The following SLC12A8 variants were observed in gnomAD, a reference collection of about 807,000 sequenced individuals.
The protein encoded by SLC12A8 is solute carrier family 12 member 8.
Under a neutral mutation model 75.6 loss-of-function variants are expected in SLC12A8, and 69 were observed. The ratio of observed to expected loss-of-function variants is 0.91; its 90% confidence interval spans 0.75 to 1.11. The LOEUF (loss-of-function observed/expected upper bound fraction) is 1.11. SLC12A8 is among the 50% of genes most tolerant of loss of function. The pLI, the probability that SLC12A8 is intolerant of heterozygous loss-of-function variation, is 0.00. For synonymous variants in SLC12A8, 365 were observed against 372.8 expected (o/e 0.98, Z 0.24); for missense variants, 877 against 896.7 (o/e 0.98, Z 0.28).
intron 5 of SLC12A8, among the ~76,000 whole-genome samples, chr3:125,151,940 C>A (rs1427327692): frequency 7.9e-5 from 12 of 152,154 alleles, no homozygotes; most frequent in Admixed American, 1.3e-4. Context: ...ATCTGTGAGG[C>A]AGATATTATT....
At chr3:125,174,282 TTAC>T (rs1475750031) in intron 5 of SLC12A8, among the ~76,000 whole-genome samples, 2 of 152,174 alleles carry the variant, frequency 1.3e-5, no homozygotes, top group African/African-American at 4.8e-5. Context: ...TGATGAGATA[TTAC>T]TATGCATCTA....
At position 125,092,147 on chromosome 3, in the gene SLC12A8, G is replaced by A. The variant is rs767580907; in HGVS notation, c.1757C>T (p.Thr586Ile). Residue 586 changes from threonine to isoleucine, a missense_variant, in exon 11 of 14, where the codon ACT becomes ATT. Physicochemically the swap from Thr to Ile is moderately conservative, Grantham distance 89. Coordinates refer to ENST00000469902, the MANE Select transcript of SLC12A8 (RefSeq NM_024628.6). ...LQEQDVWRRS[T>I]SFYTHMCNPW... ...GTTGCACATGTGGGTATAGAAAGAA[G>A]TGGATCTTCTCCAGACATCTTGTTC... The A allele has an allele frequency of 6.2e-6, 10 of 1,613,046 alleles. No homozygotes were observed. The highest frequency in any genetic ancestry group is 1.1e-5 in the South Asian group (1 of 91,052).
intron 5 of SLC12A8, among the ~76,000 whole-genome samples, chr3:125,140,933 T>G (rs1406638111): frequency 1.3e-5 from 2 of 152,136 alleles, no homozygotes; most frequent in Non-Finnish European, 2.9e-5. Context: ...AGAGTCTCTT[T>G]GCCTCTCTGT....
chr3:125,165,818 A>G (rs1300340404), intron 5 of SLC12A8, among the ~76,000 whole-genome samples: 1 of 152,190 alleles, frequency 6.6e-6, no homozygotes, highest in African/African-American at 2.4e-5. Flanking sequence ...ACACAGTGCC[A>G]GGCCAGCTGC....
chr3:125,108,549 T>C (rs979862361), intron 9 of SLC12A8, among the ~76,000 whole-genome samples: 1 of 152,072 alleles, frequency 6.6e-6, no homozygotes, highest in African/African-American at 2.4e-5. Flanking sequence ...TTGTATTTCT[T>C]GTAGAGACGT....
At chr3:125,092,594 G>A (rs953709393) in intron 10 of SLC12A8, among the ~76,000 whole-genome samples, 3 of 152,108 alleles carry the variant, frequency 2.0e-5, no homozygotes, top group African/African-American at 7.2e-5. Flanking sequence ...TTTGTCTAAT[G>A]AGAGATGGTC....
intron 12 of SLC12A8, among the ~76,000 whole-genome samples, chr3:125,088,602 A>G (rs1005220469): frequency 1.3e-5 from 2 of 152,234 alleles, no homozygotes; most frequent in Non-Finnish European, 2.9e-5. Flanking sequence ...CCAAACTCCA[A>G]AATCACTCCC....
At chr3:125,113,426 G>C (rs1239222446) in intron 8 of SLC12A8, among the ~76,000 whole-genome samples, 1 of 152,064 alleles carries the variant, frequency 6.6e-6, no homozygotes, top group Non-Finnish European at 1.5e-5. Context: ...TCTCTCTCCT[G>C]CCTAAATCCT....
At chr3:125,126,031 C>T (rs1163052777) in intron 6 of SLC12A8, 1 of 529,826 alleles carries the variant, frequency 1.9e-6, no homozygotes, top group Non-Finnish European at 2.4e-6. Context: ...ATTGCTTTAC[C>T]CAAAAACATT....
intron 7 of SLC12A8, 196 bp from the exon 8 acceptor site, chr3:125,119,052 A>T: frequency 2.0e-6 from 1 of 488,424 alleles, no homozygotes. Context: ...TTACCAAAAA[A>T]GGGGTACCAT....
At chr3:125,202,640 T>C (rs1163225198) in intron 2 of SLC12A8, among the ~76,000 whole-genome samples, 1 of 73,498 alleles carries the variant, frequency 1.4e-5, no homozygotes, top group African/African-American at 3.3e-5. Flanking sequence ...GTTTTTTTTT[T>C]TTTTTTTTTT....
intron 5 of SLC12A8, among the ~76,000 whole-genome samples, chr3:125,146,427 T>G (rs1933776068): frequency 6.6e-6 from 1 of 152,202 alleles, no homozygotes; most frequent in South Asian, 2.1e-4. Context: ...AATGGCAAAG[T>G]GTGTGCTATG....
At chr3:125,180,771 A>G (rs1934641254) in intron 4 of SLC12A8, among the ~76,000 whole-genome samples, 1 of 152,220 alleles carries the variant, frequency 6.6e-6, no homozygotes, top group Admixed American at 6.5e-5. Flanking sequence ...ATATCATAAG[A>G]TACTTTGTTG....
intron 13 of SLC12A8, among the ~76,000 whole-genome samples, chr3:125,085,888 A>G (rs1938446622): frequency 6.6e-6 from 1 of 150,554 alleles, no homozygotes; most frequent in South Asian, 2.1e-4. Context: ...TCTCTATTTT[A>G]AAATAAATCA....
intron 7 of SLC12A8, 31 bp from the exon 8 acceptor site, chr3:125,118,887 C>T (rs768213959): frequency 7.0e-6 from 10 of 1,431,880 alleles, no homozygotes; most frequent in Non-Finnish European, 9.8e-6. Context: ...ACAGAGCTGC[C>T]CCCGACTCAC....
rs185124283 is a variant in SLC12A8 at position 125,109,683 on chromosome 3, A to G, written c.1059+506T>C. Among the ~76,000 whole-genome samples, 75 of 152,290 alleles carry G rather than the reference A, an allele frequency of 4.9e-4. 1 individual carries two copies. The highest frequency in any genetic ancestry group is 1.7e-3 in the African/African-American group (71 of 41,562). ...GTCTCAACTGAGCTGCCCTTTATGT[A>G]TCAGTTAAGGTTTGGTTCATGATGG... is the stretch of plus-strand genomic sequence containing the variant. On this transcript the variant is annotated intron_variant, in intron 9 of 13. Transcript: ENST00000469902.
At chr3:125,142,641 C>T (rs1265273105) in intron 5 of SLC12A8, among the ~76,000 whole-genome samples, 3 of 152,196 alleles carry the variant, frequency 2.0e-5, no homozygotes, top group Non-Finnish European at 4.4e-5. Flanking sequence ...CCTTTTCCCT[C>T]GGAGCTTTGA....
At chr3:125,111,562 C>T (rs1400292564) in intron 8 of SLC12A8, among the ~76,000 whole-genome samples, 2 of 152,178 alleles carry the variant, frequency 1.3e-5, no homozygotes, top group African/African-American at 4.8e-5. Context: ...AGTACTCATG[C>T]GTCCAATGCT....
At chr3:125,178,278 G>C (rs1341712804) in intron 4 of SLC12A8, among the ~76,000 whole-genome samples, 1 of 152,176 alleles carries the variant, frequency 6.6e-6, no homozygotes, top group Non-Finnish European at 1.5e-5. Flanking sequence ...CTGGGCTAAA[G>C]AGGCCTCCGG....
Sources: allele counts gnomAD v4.1 joint callset (sites outside exome capture counted in the v4.1 genomes callset), GRCh38; gene constraint gnomAD v4.1.1; transcripts MANE v1.5; gene names NCBI Gene and HGNC (gene_info 2026-07-23, HGNC 2026-07-21).